GARNL3: variants seen among roughly 807,000 people sequenced by gnomAD.
GARNL3 encodes GTPase activating Rap/RanGAP domain like 3, also known as GTPase-activating Rap/Ran-GAP domain-like protein 3.
In GARNL3, 63 loss-of-function variants were observed where a neutral mutation model predicts 125.0. The observed-to-expected ratio is 0.50, with a 90% CI of 0.41 to 0.62. The LOEUF is 0.62. Among genes scored for constraint, GARNL3 ranks in the 20% least tolerant of loss-of-function variants. The probability of loss-of-function intolerance (pLI) is 0.00; values close to 1 mark genes in which losing one functional copy is unlikely to be tolerated. For synonymous variants in GARNL3, 439 were observed against 457.5 expected (o/e 0.96, Z 0.52); for missense variants, 994 against 1,244.0 (o/e 0.80, Z 3.02).
rs376802505 is a variant in GARNL3, at chr9:127,388,922, A to G, written c.2546A>G (p.Asn849Ser). Residue 849 changes from asparagine (N) to serine (S), a missense_variant, in exon 26 of 28, where the codon AAT becomes AGT. By Grantham distance (46) the Asn-to-Ser change is conservative. Transcript: ENST00000373387. Reference sequence around the variant, plus strand: ...ATTTCAGGTGAAATTCAATCAAAAAATCTGTACAAGATTCCACTTAGAAAC... The same window carrying G: ...ATTTCAGGTGAAATTCAATCAAAAAGTCTGTACAAGATTCCACTTAGAAAC... ...SLGEGEIQSK[N>S]LYKIPLRNLV... is the part of the protein sequence containing the mutation. 16 of 1,607,430 alleles carry G rather than the reference A, an allele frequency of 1.0e-5. No homozygotes were observed. Among genetic ancestry groups the G allele is most frequent in the African/African-American group, 2.7e-5 (2 of 74,798 alleles).
At chr9:127,345,174 G>C (rs1338703947) in intron 15 of GARNL3, among the ~76,000 whole-genome samples, 2 of 152,138 alleles carry the variant, frequency 1.3e-5, no homozygotes, top group Non-Finnish European at 2.9e-5. Flanking sequence ...ATGATATATT[G>C]ATTCATTGAA....
chr9:127,264,961 G>A lies in GARNL3; in HGVS notation c.84G>A (p.Ser28=), dbSNP rs141855938. 23 of 1,612,854 alleles carry A rather than the reference G, an allele frequency of 1.4e-5. No homozygotes were observed. Among genetic ancestry groups the A allele is most frequent in the African/African-American group, 4.0e-5 (3 of 74,844 alleles). The change falls in exon 1 of 28, where the codon TCG becomes TCA. Residue 28 remains serine (S), a synonymous_variant. Coordinates refer to ENST00000373387, the MANE Select transcript of GARNL3 (RefSeq NM_032293.5). ...AGCATTTTTGTTCCAGCTCTGTCTC[G>A]GAAGACCTAGGCTGTAGACGTGGGG... The part of the protein sequence containing the change: ...LMKHFCSSSV[S]EDLGCRRGDF...
At chr9:127,269,823 T>C (rs1018540011) in intron 1 of GARNL3, among the ~76,000 whole-genome samples, 20 of 151,168 alleles carry the variant, frequency 1.3e-4, no homozygotes, top group Non-Finnish European at 2.5e-4. Context: ...GTAGGAGTTC[T>C]TTTTATATTC....
At chr9:127,376,266 CAT>C (rs1491113005) in intron 22 of GARNL3, among the ~76,000 whole-genome samples, 1 of 151,492 alleles carries the variant, frequency 6.6e-6, no homozygotes, top group African/African-American at 2.4e-5. Flanking sequence ...AGCCTCTTAA[CAT>C]TTTTTTTTTG....
intron 17 of GARNL3, among the ~76,000 whole-genome samples, chr9:127,351,850 A>G (rs1830438911): frequency 6.6e-6 from 1 of 152,242 alleles, no homozygotes; most frequent in Non-Finnish European, 1.5e-5. Context: ...ATTGTTCTTC[A>G]TAAAGAGATT....
intron 6 of GARNL3, among the ~76,000 whole-genome samples, chr9:127,321,467 G>T (rs958697471): frequency 2.0e-5 from 3 of 152,286 alleles, no homozygotes; most frequent in African/African-American, 2.4e-5. Flanking sequence ...AAACGTGGTC[G>T]ATTGAGCTCT....
At chr9:127,243,854 C>T (rs1376095465) in intron 2 of GARNL3, among the ~76,000 whole-genome samples, 1 of 152,044 alleles carries the variant, frequency 6.6e-6, no homozygotes, top group Non-Finnish European at 1.5e-5. Flanking sequence ...TGATAATACT[C>T]GGATGAATGA....
chr9:127,391,831 T>C (rs1004663226), intron 27 of GARNL3, among the ~76,000 whole-genome samples: 1 of 152,014 alleles, frequency 6.6e-6, no homozygotes, highest in Non-Finnish European at 1.5e-5. Flanking sequence ...CGTCAATGAA[T>C]AGTAGTTAAG....
chr9:127,352,489 T>C (rs1304175623), intron 17 of GARNL3, among the ~76,000 whole-genome samples: 2 of 152,136 alleles, frequency 1.3e-5, no homozygotes, highest in Admixed American at 6.5e-5. Context: ...TTTTGAAAAA[T>C]TAAGTCTGCC....
At chr9:127,298,162 A>C (rs750509420) in intron 2 of GARNL3, among the ~76,000 whole-genome samples, 1 of 152,136 alleles carries the variant, frequency 6.6e-6, no homozygotes, top group Non-Finnish European at 1.5e-5. Context: ...ACGTGTTTCC[A>C]AGTTTTTGTT....
At chr9:127,323,801 TA>T (rs1281625145) in intron 6 of GARNL3, among the ~76,000 whole-genome samples, 2 of 151,796 alleles carry the variant, frequency 1.3e-5, no homozygotes, top group Non-Finnish European at 2.9e-5. Context: ...CCATAAAAAT[TA>T]AAAATAAAAA....
chr9:127,310,691 T>C (rs1387632384), intron 2 of GARNL3, among the ~76,000 whole-genome samples: 1 of 151,860 alleles, frequency 6.6e-6, no homozygotes, highest in African/African-American at 2.4e-5. Context: ...GGCAAATCAC[T>C]TGAGCCCAGG....
intron 1 of GARNL3, among the ~76,000 whole-genome samples, chr9:127,265,816 C>T (rs1242622910): frequency 6.6e-6 from 1 of 152,076 alleles, no homozygotes; most frequent in Non-Finnish European, 1.5e-5. Context: ...ACCCAATTTT[C>T]CCCTATTAAT....
At chr9:127,334,174 G>T (rs1829421380) in intron 9 of GARNL3, among the ~76,000 whole-genome samples, 1 of 152,194 alleles carries the variant, frequency 6.6e-6, no homozygotes. Flanking sequence ...AGCATTTTGA[G>T]GATGGGGGCC....
At position 127,240,981 on chromosome 9, in the gene GARNL3, CTATT is replaced by C. The variant is rs368821329; in HGVS notation, c.-28-2097_-28-2094del. ...TTCAACATGTAATCAGTGTGAAAAA[CTATT>C]AATGAGATGTTTTGAATTCATTTTT... On this transcript the variant is annotated intron_variant, in intron 1 of 10. Transcript: ENST00000439286. Among the ~76,000 whole-genome samples, 45 of 152,350 alleles carry C rather than the reference CTATT, an allele frequency of 3.0e-4. No homozygotes were observed. The East Asian group carries it at 3.3e-3, about 11-fold the overall frequency.
At chr9:127,333,232 A>T in intron 9 of GARNL3, 111 bp downstream of exon 9, 1 of 812,810 alleles carries the variant, frequency 1.2e-6, no homozygotes, top group Non-Finnish European at 2.0e-6. Flanking sequence ...ATGAGAGAAG[A>T]CTGGAGGGAG....
At chr9:127,283,448 A>C (rs943401144) in intron 1 of GARNL3, among the ~76,000 whole-genome samples, 1 of 152,180 alleles carries the variant, frequency 6.6e-6, no homozygotes, top group African/African-American at 2.4e-5. Flanking sequence ...TAGCAGGAGG[A>C]TCACTTGAGA....
chr9:127,242,981 C>T lies in GARNL3; in HGVS notation c.-28-98C>T. The T allele has an allele frequency of 9.3e-7, 1 of 1,078,294 alleles. No individual in the cohort carries two copies. The highest frequency in any genetic ancestry group is 1.2e-6 in the Non-Finnish European group (1 of 821,296). 66.8% of individuals were successfully genotyped at this position (1,078,294 alleles called of 1,614,324 possible). On this transcript the variant is annotated intron_variant, in intron 1 of 10. Coordinates refer to the GARNL3 transcript ENST00000439286. The surrounding 1 kb of genome is among the most constrained non-coding windows in gnomAD (Gnocchi z 4.6). ...TCAGTGTCACCCTCCTCCTTGCTTA[C>T]CAGCGGGGCTGCCTTTGGGAGGAGG...
chr9:127,234,140 T>C (rs1349597940), intron 1 of GARNL3, among the ~76,000 whole-genome samples: 1 of 152,226 alleles, frequency 6.6e-6, no homozygotes, highest in African/African-American at 2.4e-5. Flanking sequence ...TAATGGGCTC[T>C]TAGAGCCAGC....
Sources: allele counts gnomAD v4.1 joint callset (sites outside exome capture counted in the v4.1 genomes callset), GRCh38; gene constraint gnomAD v4.1.1; non-coding constraint Gnocchi (gnomAD v3.1); transcripts MANE v1.5; gene names NCBI Gene and HGNC (gene_info 2026-07-23, HGNC 2026-07-21).